Variants in UBE2O observed in about 807,000 individuals in gnomAD.
UBE2O encodes the protein ubiquitin conjugating enzyme E2 O.
Under a neutral mutation model 125.8 loss-of-function variants are expected in UBE2O, and 15 were observed. The ratio of observed to expected loss-of-function variants is 0.12; its 90% CI spans 0.08 to 0.18. The LOEUF (loss-of-function observed/expected upper bound fraction) is 0.18, where lower values mean the gene tolerates loss of function less well. UBE2O is among the 10% of genes least tolerant of loss of function. UBE2O has a pLI of 1.00. For synonymous variants in UBE2O, 708 were observed against 703.2 expected (o/e 1.01, Z -0.11); for missense variants, 1,280 against 1,723.6 (o/e 0.74, Z 4.56).
rs773900014 is a variant in UBE2O, at chr17:76,453,009, C to T, written c.133G>A (p.Gly45Arg). The change falls in exon 1 of 18, where the codon GGG (glycine) becomes AGG (arginine). Residue 45 changes from glycine to arginine, a missense_variant. Around this residue, in one of 10 missense-constraint regions of UBE2O, gnomAD observed 188 missense variants for 192.5 expected, o/e 0.98. Coordinates refer to ENST00000319380, the MANE Select transcript of UBE2O (RefSeq NM_022066.4). ...APAPASDSAS[G>R]PSSDSGPEAG... ...TCTGGGCCGGAGTCCGAGGACGGCCCGGAGGCCGAGTCCGAGGCGGGCGCC... is the reference window on the plus strand; with the variant it reads ...TCTGGGCCGGAGTCCGAGGACGGCCTGGAGGCCGAGTCCGAGGCGGGCGCC... 2.0e-5 allele frequency: 30 copies of T among 1,477,036 alleles called. No individual in the cohort carries two copies. The highest frequency in any genetic ancestry group is 4.1e-4 in the Middle Eastern group (2 of 4,846). The allele number at this position is 1,477,036 out of a possible 1,614,324, so 91.5% of individuals were successfully genotyped here.
chr17:76,390,657 A>T lies in UBE2O; in HGVS notation c.*286T>A, dbSNP rs2072091513. Reference sequence around the variant, plus strand: ...CTGACCTGAGAAGGGGCAGCAAGGGAGCAAGTGCCGGACATTCTGCTGGGG... The same window carrying T: ...CTGACCTGAGAAGGGGCAGCAAGGGTGCAAGTGCCGGACATTCTGCTGGGG... On this transcript the variant is annotated 3_prime_UTR_variant, in exon 18 of 18. Coordinates refer to ENST00000319380, the MANE Select transcript of UBE2O (RefSeq NM_022066.4). The T allele has an allele frequency of 3.1e-6, 1 of 326,168 alleles. No individual in the cohort carries two copies. Among genetic ancestry groups the T allele is most frequent in the Non-Finnish European group, 5.7e-6 (1 of 176,846 alleles). The allele number at this position is 326,168 out of a possible 1,614,324, so 20.2% of individuals were successfully genotyped here.
At chr17:76,429,541 CA>C (rs61081315) in intron 1 of UBE2O, among the ~76,000 whole-genome samples, 23,473 of 71,472 alleles carry the variant, frequency 0.33, 1,321 homozygotes, top group East Asian at 0.48. Context: ...GACTCTGTCT[CA>C]AAAAAAAAAA....
intron 1 of UBE2O, among the ~76,000 whole-genome samples, chr17:76,432,449 C>T (rs1201169074): frequency 6.6e-6 from 1 of 152,184 alleles, no homozygotes; most frequent in Non-Finnish European, 1.5e-5. Context: ...AGCTTGCCCA[C>T]TGTCCAAGAA....
At chr17:76,419,185 C>A (rs1207719617) in intron 1 of UBE2O, among the ~76,000 whole-genome samples, 1 of 142,754 alleles carries the variant, frequency 7.0e-6, no homozygotes, top group Non-Finnish European at 1.5e-5. Flanking sequence ...TTGGGGGGCT[C>A]TGGTGAGAGG....
chr17:76,414,860 C>T (rs2143772880), intron 1 of UBE2O, among the ~76,000 whole-genome samples: 1 of 152,292 alleles, frequency 6.6e-6, no homozygotes, highest in East Asian at 1.9e-4. Flanking sequence ...TCTGTCTTGG[C>T]TCTGGGCTTG....
intron 1 of UBE2O, among the ~76,000 whole-genome samples, chr17:76,412,923 G>C (rs758268533): frequency 6.6e-6 from 1 of 152,132 alleles, no homozygotes; most frequent in Non-Finnish European, 1.5e-5. Context: ...CAGGAGAATC[G>C]TTTGAACCCG....
At chr17:76,439,304 C>G (rs879131350) in intron 1 of UBE2O, among the ~76,000 whole-genome samples, 1 of 152,204 alleles carries the variant, frequency 6.6e-6, no homozygotes, top group Non-Finnish European at 1.5e-5. Context: ...TGCAGCCTCG[C>G]CTGCCAGCAC....
In UBE2O at chr17:76,400,371, G is replaced by C; in HGVS notation, c.1004+70C>G. 1 of 1,593,920 alleles carries C rather than the reference G, an allele frequency of 6.3e-7. No homozygotes were observed. The highest frequency in any genetic ancestry group is 8.6e-7 in the Non-Finnish European group (1 of 1,167,350). ...CAGCAGTGTTCTTAAGCCTCCCCAG[G>C]CATGTGACCAGGGCCCAGAGCCCTG... On this transcript the variant is annotated intron_variant, in intron 7 of 17. Transcript: ENST00000319380. The surrounding 1 kb of genome is among the most constrained non-coding windows in gnomAD (Gnocchi z 4.3).
At chr17:76,411,908 C>G (rs1282433537) in intron 1 of UBE2O, among the ~76,000 whole-genome samples, 1 of 152,028 alleles carries the variant, frequency 6.6e-6, no homozygotes, top group African/African-American at 2.4e-5. Context: ...TTCTTGAACT[C>G]CTGAGCTCAA....
Position 76,396,539 on chromosome 17 carries a change from C to G in UBE2O, c.2398G>C (p.Glu800Gln). 6.2e-7 allele frequency: 1 copy of G among 1,612,854 alleles called. No homozygotes were observed. The change falls in exon 14 of 18, where the codon GAG becomes CAG. Residue 800 changes from glutamate (E) to glutamine (Q), a missense_variant. Coordinates refer to ENST00000319380, the MANE Select transcript of UBE2O (RefSeq NM_022066.4). This position sits in a 1 kb window ranked among gnomAD's most constrained non-coding sequence, Gnocchi z 6.7. ...GGTGGCCCGTCCTTGCCAGCCTTCT[C>G]CATCAGCCCGGCCATGGGGGCAGCC... ...AMAAPMAGLM[E>Q]KAGKDGPPKS... is the part of the protein sequence containing the mutation.
At position 76,391,185 on chromosome 17, in the gene UBE2O, T is replaced by G. The variant is rs1339319801; in HGVS notation, c.3637A>C (p.Arg1213=). ...TCCGAAGTCTGGTCTGTGTGGTCCCTGCTAGCTGAGGCCAGGCCCTGGGCA... is the reference window on the plus strand; with the variant it reads ...TCCGAAGTCTGGTCTGTGTGGTCCCGGCTAGCTGAGGCCAGGCCCTGGGCA... ...GGAQGLASAS[R]DHTDQTSETA... The change falls in exon 18 of 18, where the codon AGG becomes CGG. Residue 1213 remains arginine (R), a synonymous_variant. Coordinates refer to ENST00000319380, the MANE Select transcript of UBE2O (RefSeq NM_022066.4). The surrounding 1 kb of genome is among the most constrained non-coding windows in gnomAD (Gnocchi z 8.4). 1 of 1,613,234 alleles carries G rather than the reference T, an allele frequency of 6.2e-7. No homozygotes were observed. The highest frequency in any genetic ancestry group is 1.1e-5 in the South Asian group (1 of 91,012).
intron 1 of UBE2O, among the ~76,000 whole-genome samples, chr17:76,437,741 G>A (rs1011466710): frequency 2.0e-5 from 3 of 152,014 alleles, no homozygotes; most frequent in Non-Finnish European, 2.9e-5. Context: ...TTTTACTTTC[G>A]ACAAATATAT....
chr17:76,410,211 G>C lies in UBE2O; in HGVS notation c.418-4639C>G, dbSNP rs2072492545. Among the ~76,000 whole-genome samples the C allele has an allele frequency of 6.6e-6, 1 of 152,086 alleles. No homozygotes were observed. Among genetic ancestry groups the C allele is most frequent in the Admixed American group, 6.6e-5 (1 of 15,266 alleles). Reference sequence around the variant, plus strand: ...CCTGAAGGCCTCCACTCAGAGCCCTGCCTGATGGTGATATCCAAAACATTA... The same window carrying C: ...CCTGAAGGCCTCCACTCAGAGCCCTCCCTGATGGTGATATCCAAAACATTA... On this transcript the variant is annotated intron_variant, in intron 1 of 17. Transcript: ENST00000319380. The surrounding 1 kb of genome is among the most constrained non-coding windows in gnomAD (Gnocchi z 4.0).
chr17:76,405,068 G>A lies in UBE2O; in HGVS notation c.588+138C>T, dbSNP rs1336724328. On this transcript the variant is annotated intron_variant, in intron 3 of 17. Coordinates refer to ENST00000319380, the MANE Select transcript of UBE2O (RefSeq NM_022066.4). The surrounding 1 kb of genome is among the most constrained non-coding windows in gnomAD (Gnocchi z 6.1). ...AGCGAAAACAAGGCTACAGGAGCCA[G>A]CTGGCTGCTGTGCTCCGCCTTCTGA... 4.9e-6 allele frequency: 3 copies of A among 617,428 alleles called. No homozygotes were observed. Among genetic ancestry groups the A allele is most frequent in the East Asian group, 5.8e-5 (2 of 34,682 alleles). The allele number at this position is 617,428 out of a possible 1,614,324, so 38.2% of individuals were successfully genotyped here. A position where few individuals can be genotyped will look rare whatever the true frequency, so the allele number is the denominator to read the frequency against.
chr17:76,445,342 A>G (rs2073135032), intron 1 of UBE2O, among the ~76,000 whole-genome samples: 1 of 152,142 alleles, frequency 6.6e-6, no homozygotes, highest in Non-Finnish European at 1.5e-5. Context: ...AAGTGACCTG[A>G]AAAATGTCTT....
chr17:76,420,112 A>G (rs2072684858), intron 1 of UBE2O, among the ~76,000 whole-genome samples: 1 of 151,900 alleles, frequency 6.6e-6, no homozygotes, highest in Non-Finnish European at 1.5e-5. Flanking sequence ...TTCGCACCAC[A>G]CTCCCCCAAA....
rs936321272 is a variant in UBE2O at position 76,395,001 on chromosome 17, G to A, written c.2946+724C>T. Among the ~76,000 whole-genome samples the A allele has an allele frequency of 1.8e-4, 27 of 151,532 alleles. No homozygotes were observed. The highest frequency in any genetic ancestry group is 6.3e-4 in the African/African-American group (26 of 41,234). ...AGTGATTCTCCTGCCTCAGTCTCCC[G>A]AGTAGCTGGGATTACTGGCACCCGC... On this transcript the variant is annotated intron_variant, in intron 15 of 17. Transcript: ENST00000319380. This position sits in a 1 kb window ranked among gnomAD's most constrained non-coding sequence, Gnocchi z 5.0.
chr17:76,452,694 G>A lies in UBE2O; in HGVS notation c.417+31C>T, dbSNP rs986946456. On this transcript the variant is annotated intron_variant, in intron 1 of 17. Transcript: ENST00000319380. The surrounding 1 kb of genome is among the most constrained non-coding windows in gnomAD (Gnocchi z 4.4). ...TCGGCCCGGCCGCCGACCCCCTGCC[G>A]CCCGCGCCGCCCAGCCCCCGCCCGC... is the stretch of plus-strand genomic sequence containing the variant. 3.8e-5 allele frequency: 51 copies of A among 1,350,664 alleles called. No homozygotes were observed. The highest frequency in any genetic ancestry group is 2.7e-4 in the Middle Eastern group (1 of 3,654). The allele number at this position is 1,350,664 out of a possible 1,614,324, so 83.7% of individuals were successfully genotyped here. A position where few individuals can be genotyped will look rare whatever the true frequency, so the allele number is the denominator to read the frequency against.
At chr17:76,431,445 G>A (rs561330563) in intron 1 of UBE2O, among the ~76,000 whole-genome samples, 1 of 152,316 alleles carries the variant, frequency 6.6e-6, no homozygotes, top group Non-Finnish European at 1.5e-5. Flanking sequence ...GAATCCGGGA[G>A]GCACAGGTTG....
Sources: gnomAD v4.1 joint callset for allele counts (sites outside exome capture counted in the v4.1 genomes callset) on GRCh38, gnomAD v4.1.1 for gene constraint, gnomAD v4.1.1 regional missense constraint, Gnocchi (gnomAD v3.1) non-coding constraint, MANE v1.5 for transcripts, NCBI Gene and HGNC (gene_info 2026-07-23, HGNC 2026-07-21) for gene names.